Variants in NADSYN1 observed in about 807,000 individuals in gnomAD.
NADSYN1 encodes NAD synthetase 1.
NADSYN1 carries 80 observed loss-of-function variants against 99.3 expected under a neutral mutation model. The ratio of observed to expected loss-of-function variants is 0.81; its 90% CI spans 0.67 to 0.97. The LOEUF (loss-of-function observed/expected upper bound fraction) is 0.97. Among genes scored for constraint, NADSYN1 ranks in the 50% least tolerant of loss-of-function variants. NADSYN1 has a pLI of 0.00. For missense variants in NADSYN1, 859 were observed against 948.5 expected (o/e 0.91, Z 1.24); for synonymous variants, 385 against 372.1 (o/e 1.03, Z -0.40).
chr11:71,492,640 C>T (rs184320443), intron 18 of NADSYN1, among the ~76,000 whole-genome samples: 5 of 152,240 alleles, frequency 3.3e-5, no homozygotes, highest in South Asian at 4.2e-4. Flanking sequence ...GCCGGTCCCA[C>T]GCTGTCCTGA....
intron 9 of NADSYN1, chr11:71,477,238 G>A: frequency 1.7e-6 from 2 of 1,210,288 alleles, no homozygotes; most frequent in Non-Finnish European, 2.1e-6. Flanking sequence ...TGTTAACCTA[G>A]CCTCGGGGAG....
intron 1 of NADSYN1, among the ~76,000 whole-genome samples, chr11:71,454,386 AT>A (rs1013272447): frequency 3.3e-5 from 5 of 152,106 alleles, no homozygotes; most frequent in African/African-American, 1.2e-4. Flanking sequence ...CAATTTCTGT[AT>A]TTTTAGTAGA....
chr11:71,477,478 C>T (rs1451863953), intron 9 of NADSYN1: 5 of 1,282,226 alleles, frequency 3.9e-6, no homozygotes, highest in Non-Finnish European at 5.1e-6. Context: ...AAGGGGCGCG[C>T]AAGGTGGCCA....
intron 3 of NADSYN1, chr11:71,460,884 C>T (rs1949546199): frequency 6.6e-6 from 1 of 152,196 alleles, no homozygotes; most frequent in Non-Finnish European, 1.5e-5. Context: ...CTTAGTTCTG[C>T]TCCACAAGGG....
In NADSYN1 at chr11:71,482,111, AAC is replaced by A. The variant is rs1949712360; in HGVS notation, c.1150+89_1150+90del. The A allele has an allele frequency of 2.5e-6, 3 of 1,215,648 alleles. No individual in the cohort carries two copies. The Admixed American group carries it at 6.2e-5, about 25-fold the overall frequency. The allele number at this position is 1,215,648 out of a possible 1,614,324, so 75.3% of individuals were successfully genotyped here. On this transcript the variant is annotated intron_variant, in intron 13 of 20. Coordinates refer to ENST00000319023, the MANE Select transcript of NADSYN1 (RefSeq NM_018161.5). ...TAGGGACCTAGGAGGGGGCAGAGGA[AAC>A]ACCCGTGCCATGGACATCGGGGTGA...
intron 1 of NADSYN1, 91 bp downstream of exon 1, chr11:71,453,472 G>A: frequency 8.1e-7 from 1 of 1,227,142 alleles, no homozygotes; most frequent in Non-Finnish European, 1.2e-6. Flanking sequence ...TCACAGCCTT[G>A]CCCTGGGAAA....
chr11:71,466,767 G>C (rs1042215420), intron 5 of NADSYN1: 3 of 152,210 alleles, frequency 2.0e-5, no homozygotes, highest in Non-Finnish European at 4.4e-5. Context: ...GAAGCCATTA[G>C]TATGTCGGAT....
At chr11:71,456,509 T>C (rs1014802104) in intron 2 of NADSYN1, among the ~76,000 whole-genome samples, 5 of 152,202 alleles carry the variant, frequency 3.3e-5, no homozygotes, top group African/African-American at 4.8e-5. Context: ...CTGATCCTCA[T>C]GTCCTGTCTG....
chr11:71,472,355 G>A (rs1265450817), intron 5 of NADSYN1, 94 bp from the exon 6 acceptor site: 18 of 1,021,604 alleles, frequency 1.8e-5, no homozygotes, highest in African/African-American at 3.1e-5. Flanking sequence ...TCATCAGTTC[G>A]GAGGGTTCAG....
intron 1 of NADSYN1, 43 bp from the exon 2 acceptor site, chr11:71,455,067 G>T: frequency 6.9e-7 from 1 of 1,456,942 alleles, no homozygotes; most frequent in East Asian, 2.3e-5. Flanking sequence ...GAGTGTATAG[G>T]TGCTGAAATT....
chr11:71,480,409 G>A, intron 10 of NADSYN1: 1 of 272,828 alleles, frequency 3.7e-6, no homozygotes, highest in South Asian at 3.7e-5. Context: ...CCTGACCTCA[G>A]GTGATCCACC....
chr11:71,481,636 C>T lies in NADSYN1; in HGVS notation c.1047+232C>T, dbSNP rs947966364. 2.0e-5 allele frequency: 12 copies of T among 607,036 alleles called. No homozygotes were observed. The African/African-American group carries it at 2.0e-4, about 10-fold the overall frequency. The allele number at this position is 607,036 out of a possible 1,614,324, so 37.6% of individuals were successfully genotyped here. A position where few individuals can be genotyped will look rare whatever the true frequency, so the allele number is the denominator to read the frequency against. ...GGCTCAGCGGAACCCAGCCCATCAG[C>T]ATTCAGGGTCACGCTCACCATCTTG... On this transcript the variant is annotated intron_variant, in intron 12 of 20. Coordinates refer to ENST00000319023, the MANE Select transcript of NADSYN1 (RefSeq NM_018161.5).
rs777867377 is a variant in NADSYN1 at position 71,474,481 on chromosome 11, C to G, written c.753C>G (p.Asn251Lys). The G allele has an allele frequency of 6.2e-7, 1 of 1,614,174 alleles. No homozygotes were observed. The highest frequency in any genetic ancestry group is 8.5e-7 in the Non-Finnish European group (1 of 1,180,012). The change falls in exon 9 of 21, where the codon AAC becomes AAG. Residue 251 changes from asparagine (N) to lysine (K), a missense_variant. Asn to Lys is a moderately conservative substitution (Grantham distance 94). Coordinates refer to ENST00000319023, the MANE Select transcript of NADSYN1 (RefSeq NM_018161.5). ...YYDGCAMIAM[N>K]GSVFAQGSQF... ...ACGGCTGTGCCATGATTGCCATGAA[C>G]GGAAGCGTCTTTGCTCAAGGATCCC...
At chr11:71,481,255 G>T in intron 11 of NADSYN1, 101 bp from the exon 12 acceptor site, 1 of 1,213,738 alleles carries the variant, frequency 8.2e-7, no homozygotes, top group South Asian at 1.2e-5. Flanking sequence ...GCCCAGCGTT[G>T]ACTCTGGCAC....
Position 71,491,052 on chromosome 11 carries a change from C to CA in NADSYN1, c.1694+77dup, listed in dbSNP as rs1949775623. On this transcript the variant is annotated intron_variant, in intron 17 of 20. Coordinates refer to ENST00000319023, the MANE Select transcript of NADSYN1 (RefSeq NM_018161.5). ...GCACGGCCCCGGCCACCCTGGCCCA[C>CA]ACTCAGGCTCCTTCGTAGCTCCTGT... 1.9e-6 allele frequency: 3 copies of CA among 1,580,700 alleles called. No homozygotes were observed. The East Asian group carries it at 6.7e-5, about 35-fold the overall frequency.
intron 17 of NADSYN1, 127 bp from the exon 18 acceptor site, chr11:71,491,707 G>T: frequency 1.2e-6 from 1 of 818,188 alleles, no homozygotes; most frequent in Admixed American, 2.2e-5. Context: ...CCTTGGTGAC[G>T]TCCTACCCAC....
At chr11:71,483,078 A>G (rs2120479884) in intron 14 of NADSYN1, 61 bp downstream of exon 14, 1 of 1,592,568 alleles carries the variant, frequency 6.3e-7, no homozygotes. Context: ...AGTCACTGGA[A>G]GCTCCGCCTG....
At chr11:71,458,979 A>C in intron 3 of NADSYN1, 2 of 187,530 alleles carry the variant, frequency 1.1e-5, no homozygotes, top group South Asian at 1.8e-4. Flanking sequence ...TCTGTGCTGT[A>C]CCCTGCATCG....
chr11:71,475,775 C>T (rs536362505), intron 9 of NADSYN1, among the ~76,000 whole-genome samples: 93 of 152,192 alleles, frequency 6.1e-4, no homozygotes, highest in African/African-American at 2.1e-3. Context: ...AGTGCAGTGG[C>T]GCAATCTTGG....
Sources: gnomAD v4.1 joint callset for allele counts (sites outside exome capture counted in the v4.1 genomes callset) on GRCh38, gnomAD v4.1.1 for gene constraint, MANE v1.5 for transcripts, NCBI Gene and HGNC (gene_info 2026-07-23, HGNC 2026-07-21) for gene names.